Variants in CLOCK observed in about 807,000 individuals in gnomAD.
The protein encoded by CLOCK is clock circadian regulator.
Under a neutral mutation model 118.4 loss-of-function variants are expected in CLOCK, and 43 were observed. That is an observed-to-expected ratio of 0.36 (90% CI 0.28 to 0.47). CLOCK has a LOEUF of 0.47. CLOCK is among the 20% of genes least tolerant of loss of function. The pLI is 1.00. For synonymous variants in CLOCK, 326 were observed against 339.2 expected (o/e 0.96, Z 0.43); for missense variants, 846 against 999.9 (o/e 0.85, Z 2.08).
At chr4:55,448,918 G>A (rs74643067) in intron 17 of CLOCK, 50 bp from the exon 18 acceptor site, 62,847 of 1,335,910 alleles carry the variant, frequency 0.047, 1,787 homozygotes, top group Non-Finnish European at 0.058. Context: ...TCCCATACAT[G>A]AGTACTTCCA....
intron 1 of CLOCK, among the ~76,000 whole-genome samples, chr4:55,513,663 G>C (rs865828760): frequency 2.0e-5 from 3 of 151,894 alleles, no homozygotes; most frequent in Non-Finnish European, 2.9e-5. Context: ...AAACTTATTG[G>C]AATCAGTTTG....
intron 1 of CLOCK, among the ~76,000 whole-genome samples, chr4:55,510,584 G>A (rs1048779767): frequency 7.1e-5 from 10 of 141,094 alleles, no homozygotes; most frequent in Non-Finnish European, 1.3e-4. Context: ...CCGAGATTGC[G>A]CCACTGCACT....
chr4:55,448,601 C>CGCGCGCGTGT (rs764071880), intron 18 of CLOCK, among the ~76,000 whole-genome samples, 178 bp downstream of exon 18: 53 of 117,032 alleles, frequency 4.5e-4, no homozygotes, highest in East Asian at 1.5e-3. Context: ...CGCACGCGCG[C>CGCGCGCGTGT]GTGTGTGTGT....
intron 1 of CLOCK, among the ~76,000 whole-genome samples, chr4:55,530,438 C>A (rs1300744798): frequency 6.6e-6 from 1 of 152,034 alleles, no homozygotes; most frequent in African/African-American, 2.4e-5. Flanking sequence ...CAAGAATTCA[C>A]AATATTTACA....
intron 1 of CLOCK, among the ~76,000 whole-genome samples, chr4:55,519,835 C>CTGCACAGTCT (rs1454597295): frequency 1.3e-5 from 2 of 151,928 alleles, no homozygotes; most frequent in Non-Finnish European, 2.9e-5. Context: ...TATGGGGTCA[C>CTGCACAGTCT]TGCACAGTCT....
chr4:55,435,697 A>G, intron 22 of CLOCK, 103 bp from the exon 23 acceptor site: 1 of 1,151,904 alleles, frequency 8.7e-7, no homozygotes, highest in East Asian at 2.4e-5. Flanking sequence ...AATCCTTAAA[A>G]TTCTACATAA....
At chr4:55,486,746 G>A (rs544717132) in intron 3 of CLOCK, among the ~76,000 whole-genome samples, 1 of 152,190 alleles carries the variant, frequency 6.6e-6, no homozygotes, top group East Asian at 1.9e-4. Flanking sequence ...TCTGATTACT[G>A]ATCCTTTAGA....
At chr4:55,514,600 T>G (rs1729372099) in intron 1 of CLOCK, among the ~76,000 whole-genome samples, 1 of 152,096 alleles carries the variant, frequency 6.6e-6, no homozygotes, top group Non-Finnish European at 1.5e-5. Context: ...TACAGAGTTT[T>G]TTTTTAAATC....
chr4:55,448,594 A>ACGCG (rs1553891178), intron 18 of CLOCK, among the ~76,000 whole-genome samples, 185 bp downstream of exon 18: 13,369 of 80,580 alleles, frequency 0.17, 838 homozygotes, highest in South Asian at 0.24. Context: ...GCGCGCGCGC[A>ACGCG]CGCGCGCGTG....
intron 8 of CLOCK, among the ~76,000 whole-genome samples, chr4:55,465,608 A>G (rs893830247): frequency 6.6e-6 from 1 of 152,330 alleles, no homozygotes; most frequent in African/African-American, 2.4e-5. Flanking sequence ...ATTTCAGTAA[A>G]GGATTTTTCT....
In CLOCK at chr4:55,429,863, G is replaced by T. The variant is rs1207837187; in HGVS notation, c.*5552C>A. 2 of 152,104 alleles carry T rather than the reference G, an allele frequency of 1.3e-5. No individual in the cohort carries two copies. Among genetic ancestry groups the T allele is most frequent in the Non-Finnish European group, 2.9e-5 (2 of 68,022 alleles). The allele number at this position is 152,104 out of a possible 1,614,324, so 9.4% of individuals were successfully genotyped here. On this transcript the variant is annotated 3_prime_UTR_variant, in exon 23 of 23. Coordinates refer to ENST00000513440, the MANE Select transcript of CLOCK (RefSeq NM_004898.4). ...GATGACTTGAGGAGGGAAGTGCAGGGGCATCTGGAGTTGGCCCCTCCACTG... is the reference window on the plus strand; with the variant it reads ...GATGACTTGAGGAGGGAAGTGCAGGTGCATCTGGAGTTGGCCCCTCCACTG...
In CLOCK at chr4:55,449,393, T is replaced by C. The variant is rs185157853; in HGVS notation, c.1449+3A>G. 2.1e-5 allele frequency: 34 copies of C among 1,610,902 alleles called. No individual in the cohort carries two copies. The African/African-American group carries it at 3.7e-4, about 18-fold the overall frequency. On this transcript the variant is annotated splice_donor_region_variant and intron_variant, in intron 17 of 22. Transcript: ENST00000513440. The stretch of plus-strand genomic sequence containing the variant: ...TCAGAAGAATATCCACTAAAGAGCT[T>C]ACCTGACTACTAAATGATGACCTTC...
At chr4:55,498,289 T>C (rs1440903337) in intron 2 of CLOCK, among the ~76,000 whole-genome samples, 3 of 152,308 alleles carry the variant, frequency 2.0e-5, no homozygotes, top group East Asian at 1.9e-4. Context: ...TTTTGACTTA[T>C]TAAAACTCGG....
rs546989208 is a variant in CLOCK at position 55,431,614 on chromosome 4, G to A, written c.*3801C>T. On this transcript the variant is annotated 3_prime_UTR_variant, in exon 23 of 23. Transcript: ENST00000513440. ...TTACCCCCTTCCAACAGGGACTCCT[G>A]TGGGACTAAGGGCCACAGGTAATTG... 3.5e-4 allele frequency: 53 copies of A among 152,298 alleles called. No individual in the cohort carries two copies. The highest frequency in any genetic ancestry group is 1.2e-3 in the African/African-American group (49 of 41,576). 9.4% of individuals were successfully genotyped at this position (152,298 alleles called of 1,614,324 possible).
chr4:55,525,754 G>C (rs574087920), intron 1 of CLOCK, among the ~76,000 whole-genome samples: 2 of 151,882 alleles, frequency 1.3e-5, no homozygotes, highest in African/African-American at 4.8e-5. Context: ...ACAAGCATGA[G>C]CCACCACACC....
In CLOCK at chr4:55,527,890, A is replaced by T. The variant is rs192871378; in HGVS notation, c.-289-17825T>A. Among the ~76,000 whole-genome samples the T allele has an allele frequency of 3.4e-3, 520 of 152,144 alleles. 2 individuals are homozygous for T. Among genetic ancestry groups the T allele is most frequent in the African/African-American group, 0.011 (475 of 41,490 alleles). On this transcript the variant is annotated intron_variant, in intron 1 of 22. Transcript: ENST00000513440. ...AGATCTCATCTCTACCATAAAATTT[A>T]AAAAATTAGCTGGGCATAGTGGCAC...
intron 1 of CLOCK, among the ~76,000 whole-genome samples, chr4:55,523,528 A>G (rs959597917): frequency 1.4e-4 from 21 of 152,090 alleles, no homozygotes; most frequent in African/African-American, 5.1e-4. Context: ...ACATATCACA[A>G]CCAAATTTTT....
chr4:55,510,191 G>T (rs1729050090), intron 1 of CLOCK, 126 bp from the exon 2 acceptor site: 1 of 152,156 alleles, frequency 6.6e-6, no homozygotes, highest in South Asian at 2.1e-4. Context: ...CCAAGAATTG[G>T]GAATGTGTCA....
intron 1 of CLOCK, among the ~76,000 whole-genome samples, chr4:55,518,227 G>A (rs947316756): frequency 3.6e-4 from 55 of 152,078 alleles, no homozygotes; most frequent in Non-Finnish European, 1.0e-4. Flanking sequence ...AGGCAGATAA[G>A]GAGACAAAGC....
Sources: gnomAD v4.1 joint callset for allele counts (sites outside exome capture counted in the v4.1 genomes callset) on GRCh38, gnomAD v4.1.1 for gene constraint, MANE v1.5 for transcripts, NCBI Gene and HGNC (gene_info 2026-07-23, HGNC 2026-07-21) for gene names.